The following SND1 variants were observed in gnomAD, a reference collection of about 807,000 sequenced individuals.
SND1 encodes staphylococcal nuclease and tudor domain containing 1.
A neutral mutation model predicts 121.7 loss-of-function variants in SND1; 38 were observed. That is an observed-to-expected ratio of 0.31 (90% confidence interval 0.24 to 0.41). The LOEUF (loss-of-function observed/expected upper bound fraction) is 0.41. Ranked by LOEUF, SND1 falls within the 10% of genes least tolerant of loss-of-function variation. SND1 has a pLI of 1.00. For synonymous variants in SND1, 401 were observed against 447.4 expected (o/e 0.90, Z 1.31); for missense variants, 868 against 1,184.6 (o/e 0.73, Z 3.92).
intron 16 of SND1, among the ~76,000 whole-genome samples, chr7:128,035,973 C>A (rs1256743787): frequency 6.6e-6 from 1 of 152,138 alleles, no homozygotes; most frequent in Non-Finnish European, 1.5e-5. Flanking sequence ...TATCGTTTTG[C>A]CACCAAATAG....
At chr7:128,039,380 T>TA (rs2117004268) in intron 16 of SND1, among the ~76,000 whole-genome samples, 1 of 152,358 alleles carries the variant, frequency 6.6e-6, no homozygotes, top group Non-Finnish European at 1.5e-5. Context: ...CTGTTTTTGA[T>TA]ATCCCACGTG....
intron 21 of SND1, among the ~76,000 whole-genome samples, chr7:128,087,275 A>G (rs1352058660): frequency 6.6e-6 from 1 of 152,200 alleles, no homozygotes; most frequent in Non-Finnish European, 1.5e-5. Flanking sequence ...GACAAAGACT[A>G]GACCACCACA....
Position 127,860,970 on chromosome 7 carries a change from A to G in SND1, c.1343+16546A>G, listed in dbSNP as rs576572586. ...TAGCCTTACGTATATGAAATTAATA[A>G]TGTGTATTTTGATGACCAAAGTATA... is the stretch of plus-strand genomic sequence containing the variant. On this transcript the variant is annotated intron_variant, in intron 12 of 23. Transcript: ENST00000354725. Among the ~76,000 whole-genome samples the G allele has an allele frequency of 3.9e-5, 6 of 152,312 alleles. 1 individual carries two copies. In the East Asian group the frequency reaches 9.6e-4, roughly 24 times the overall value.
intron 18 of SND1, chr7:128,081,811 ATTGT>A (rs769736572): frequency 1.7e-6 from 1 of 583,124 alleles, no homozygotes; most frequent in South Asian, 1.4e-5. Context: ...CTCTTAGGTG[ATTGT>A]TTGTTCCTAC....
chr7:127,877,135 G>A (rs1184540727), intron 12 of SND1, among the ~76,000 whole-genome samples: 2 of 152,072 alleles, frequency 1.3e-5, no homozygotes, highest in Non-Finnish European at 2.9e-5. Context: ...GTCTTATAAA[G>A]CCATAACCAT....
intron 12 of SND1, among the ~76,000 whole-genome samples, chr7:127,886,511 T>C (rs1192823230): frequency 1.3e-5 from 2 of 152,048 alleles, no homozygotes; most frequent in Non-Finnish European, 2.9e-5. Context: ...TACCATAGCC[T>C]CTCCCTAAAG....
rs1190381085 is a variant in SND1 at position 128,085,147 on chromosome 7, C to T, written c.2234+300C>T. 1.3e-5 allele frequency among the ~76,000 whole-genome samples: 2 copies of T among 152,144 alleles called. No individual in the cohort carries two copies. Among genetic ancestry groups the T allele is most frequent in the Middle Eastern group, 3.2e-3 (1 of 316 alleles). On this transcript the variant is annotated intron_variant, in intron 19 of 23. Transcript: ENST00000354725. This position sits in a 1 kb window ranked among gnomAD's most constrained non-coding sequence, Gnocchi z 4.4. ...GCCGGCCAGGCTGTCCAGCACACCC[C>T]TCACCCCACCCAGGAAGAATGATGT...
chr7:127,703,105 C>T, intron 6 of SND1, 60 bp from the exon 7 acceptor site: 12 of 1,569,778 alleles, frequency 7.6e-6, no homozygotes, highest in South Asian at 2.3e-5. Context: ...TAGTGTGGGG[C>T]GAGAGTGCCT....
intron 16 of SND1, among the ~76,000 whole-genome samples, chr7:128,003,708 T>C (rs965224493): frequency 2.5e-4 from 38 of 152,188 alleles, no homozygotes; most frequent in African/African-American, 8.7e-4. Context: ...TTAGCACTGA[T>C]TGGATATGGA....
chr7:128,043,371 C>A (rs916604536), intron 16 of SND1, among the ~76,000 whole-genome samples: 1 of 151,996 alleles, frequency 6.6e-6, no homozygotes, highest in Admixed American at 6.6e-5. Context: ...GTCAGGAGTT[C>A]GAGACCAGCT....
intron 10 of SND1, among the ~76,000 whole-genome samples, chr7:127,791,764 C>G (rs1328032188): frequency 6.6e-6 from 1 of 152,132 alleles, no homozygotes; most frequent in Non-Finnish European, 1.5e-5. Flanking sequence ...TTTCATCTTG[C>G]TATAGTAGAA....
chr7:127,702,909 G>T (rs1176472448), intron 6 of SND1, among the ~76,000 whole-genome samples: 1 of 151,772 alleles, frequency 6.6e-6, no homozygotes, highest in Non-Finnish European at 1.5e-5. Flanking sequence ...TTTGGTAAGG[G>T]GCCACTTTTT....
chr7:128,044,455 G>A (rs1792910782), intron 16 of SND1, among the ~76,000 whole-genome samples: 3 of 152,230 alleles, frequency 2.0e-5, no homozygotes, highest in Admixed American at 2.0e-4. Context: ...CTTGAAAACT[G>A]TTTACCACAG....
At chr7:128,040,875 C>T (rs117648602) in intron 16 of SND1, among the ~76,000 whole-genome samples, 3 of 152,358 alleles carry the variant, frequency 2.0e-5, no homozygotes, top group Non-Finnish European at 4.4e-5. Flanking sequence ...GGCCATCAAG[C>T]TGCCTTGCAC....
Position 127,883,381 on chromosome 7 carries a change from T to A in SND1, c.1344-4521T>A, listed in dbSNP as rs906924769. 2.2e-4 allele frequency among the ~76,000 whole-genome samples: 33 copies of A among 152,266 alleles called. 1 individual carries two copies. The highest frequency in any genetic ancestry group is 2.1e-3 in the Admixed American group (32 of 15,292). ...CCTGCCTTCCCTACCTCTAACAATA[T>A]TGGAAGTAACAATATATTGACAATT... On this transcript the variant is annotated intron_variant, in intron 12 of 23. Transcript: ENST00000354725.
chr7:127,981,881 A>G (rs764728030), intron 15 of SND1, among the ~76,000 whole-genome samples: 5 of 152,232 alleles, frequency 3.3e-5, no homozygotes, highest in South Asian at 4.1e-4. Context: ...TTCCTCATCA[A>G]TACTCCACAG....
At chr7:127,767,853 A>G (rs538203339) in intron 10 of SND1, among the ~76,000 whole-genome samples, 14 of 152,306 alleles carry the variant, frequency 9.2e-5, no homozygotes, top group African/African-American at 3.4e-4. Flanking sequence ...CATATATGGT[A>G]TATCAGTACG....
At chr7:127,781,518 CAG>C (rs1324797108) in intron 10 of SND1, among the ~76,000 whole-genome samples, 1 of 152,086 alleles carries the variant, frequency 6.6e-6, no homozygotes, top group African/African-American at 2.4e-5. Flanking sequence ...GTTGCTGGGG[CAG>C]AGACAATAGC....
intron 15 of SND1, among the ~76,000 whole-genome samples, chr7:127,941,946 T>C (rs1388241210): frequency 2.7e-5 from 4 of 148,676 alleles, no homozygotes; most frequent in African/African-American, 1.0e-4. Context: ...TTGTGAGTGC[T>C]ACTGATTGGG....
Sources: gnomAD v4.1 joint callset for allele counts (sites outside exome capture counted in the v4.1 genomes callset) on GRCh38, gnomAD v4.1.1 for gene constraint, Gnocchi (gnomAD v3.1) non-coding constraint, MANE v1.5 for transcripts, NCBI Gene and HGNC (gene_info 2026-07-23, HGNC 2026-07-21) for gene names.